The following POLA1 variants were observed in gnomAD, a reference collection of about 807,000 sequenced individuals.
POLA1 encodes the protein DNA polymerase alpha 1, catalytic subunit.
Under a neutral mutation model 124.0 loss-of-function variants are expected in POLA1, and 15 were observed. The ratio of observed to expected loss-of-function variants is 0.12; its 90% CI spans 0.08 to 0.19. The LOEUF is 0.19. Ranked by LOEUF, POLA1 falls within the 10% of genes least tolerant of loss-of-function variation. POLA1 has a pLI of 1.00. For missense variants in POLA1, 886 were observed against 1,103.4 expected, an observed-to-expected ratio of 0.80 and a Z score of 2.79; for synonymous variants, 408 against 389.4, an observed-to-expected ratio of 1.05 and a Z score of -0.56.
intron 26 of POLA1, among the ~76,000 whole-genome samples, chrX:24,756,332 C>T (rs901738259): frequency 1.8e-5 from 2 of 110,584 alleles, no homozygotes; most frequent in African/African-American, 3.3e-5. Context: ...GAGGCTGAGG[C>T]GGGTGGATCA....
intron 26 of POLA1, among the ~76,000 whole-genome samples, chrX:24,784,093 C>T (rs1348404441): frequency 1.2e-5 from 1 of 83,807 alleles, no homozygotes; most frequent in Non-Finnish European, 2.2e-5. Context: ...GATGGAGTCT[C>T]ACTGTGTCAC....
chrX:24,980,078 A>C (rs1028980525), intron 36 of POLA1, among the ~76,000 whole-genome samples: 13 of 110,992 alleles, frequency 1.2e-4, no homozygotes, highest in African/African-American at 3.0e-4. Context: ...TGTTGTATGC[A>C]TTAATAGGGA....
chrX:24,973,759 A>G (rs1247395504), intron 36 of POLA1, among the ~76,000 whole-genome samples: 1 of 111,622 alleles, frequency 9.0e-6, no homozygotes, highest in African/African-American at 3.3e-5. Flanking sequence ...TTCTTTGGCG[A>G]CCATCTACAT....
intron 30 of POLA1, among the ~76,000 whole-genome samples, chrX:24,819,686 G>A (rs1057358459): frequency 4.2e-4 from 46 of 110,739 alleles, no homozygotes; most frequent in African/African-American, 1.4e-3. Flanking sequence ...TGTGCTGAAC[G>A]TGCAGGTTTG....
chrX:24,903,521 A>G (rs1172013908), intron 35 of POLA1, among the ~76,000 whole-genome samples: 1 of 112,116 alleles, frequency 8.9e-6, no homozygotes, highest in Non-Finnish European at 1.9e-5. Context: ...GAATATGGGG[A>G]ACTAAGCGCA....
rs182361897 is a variant in POLA1, at chrX:24,986,909, T to C, written c.4262-8896T>C. Among the ~76,000 whole-genome samples the C allele has an allele frequency of 2.5e-3, 274 of 111,455 alleles. 5 individuals carry two copies. Among genetic ancestry groups the C allele is most frequent in the Admixed American group, 0.024 (249 of 10,432 alleles). ...GTATTTCCACCAGTTATCCAGAGCGTTGGCCCTCTCTGATAGGCAGCTTCT... is the reference window on the plus strand; with the variant it reads ...GTATTTCCACCAGTTATCCAGAGCGCTGGCCCTCTCTGATAGGCAGCTTCT... On this transcript the variant is annotated intron_variant, in intron 36 of 36. Transcript: ENST00000379068.
chrX:24,802,212 ATACCTT>A (rs2045726136), intron 26 of POLA1, among the ~76,000 whole-genome samples: 1 of 111,152 alleles, frequency 9.0e-6, no homozygotes, highest in East Asian at 2.8e-4. Context: ...TTTTAAAAAA[ATACCTT>A]TACAGTGACA....
chrX:24,903,612 GTAGT>G (rs1465039352), intron 35 of POLA1, among the ~76,000 whole-genome samples: 1 of 111,943 alleles, frequency 8.9e-6, no homozygotes, highest in African/African-American at 3.2e-5. Flanking sequence ...ATAGGGTAAA[GTAGT>G]TAGTAAAGAG....
intron 34 of POLA1, among the ~76,000 whole-genome samples, chrX:24,865,304 T>C (rs2046779269): frequency 1.8e-5 from 2 of 112,268 alleles, no homozygotes; most frequent in African/African-American, 6.5e-5. Context: ...AGCAATAAAA[T>C]AGCCAAAGCC....
At chrX:24,948,865 C>A (rs930877160) in intron 36 of POLA1, among the ~76,000 whole-genome samples, 1 of 111,623 alleles carries the variant, frequency 9.0e-6, no homozygotes. Flanking sequence ...TAGTTCTCCC[C>A]CATATTTTCA....
chrX:24,975,436 A>G (rs1223375395), intron 36 of POLA1, among the ~76,000 whole-genome samples: 2 of 107,337 alleles, frequency 1.9e-5, no homozygotes, highest in East Asian at 6.0e-4. Flanking sequence ...CCTTTTATGA[A>G]AATAGCTATA....
chrX:24,876,823 A>G (rs1439737141), intron 34 of POLA1, among the ~76,000 whole-genome samples: 1 of 111,488 alleles, frequency 9.0e-6, no homozygotes, highest in African/African-American at 3.3e-5. Flanking sequence ...TTTCCCCCCA[A>G]TTCTTGTTAT....
chrX:24,743,628 G>A (rs1284100117), intron 23 of POLA1, among the ~76,000 whole-genome samples: 1 of 111,438 alleles, frequency 9.0e-6, no homozygotes, highest in African/African-American at 3.3e-5. Context: ...ATTTAAAAAT[G>A]TAAAAACCAT....
At chrX:24,885,568 T>C (rs1244029167) in intron 34 of POLA1, among the ~76,000 whole-genome samples, 2 of 110,972 alleles carry the variant, frequency 1.8e-5, no homozygotes, top group Non-Finnish European at 1.9e-5. Flanking sequence ...GGAGTCTTGT[T>C]GTGTCACCCA....
chrX:24,787,639 A>C (rs1226637299), intron 26 of POLA1, among the ~76,000 whole-genome samples: 2 of 111,837 alleles, frequency 1.8e-5, no homozygotes, highest in Non-Finnish European at 3.8e-5. Context: ...GTTTGAAATC[A>C]GGGAGTGTGA....
intron 35 of POLA1, among the ~76,000 whole-genome samples, chrX:24,898,930 G>T (rs1458260239): frequency 9.0e-6 from 1 of 111,474 alleles, no homozygotes; most frequent in Non-Finnish European, 1.9e-5. Context: ...GTACCCATGG[G>T]ATCTCAGGTA....
chrX:24,741,360 T>G lies in POLA1; in HGVS notation c.2217-15T>G. Reference sequence around the variant, plus strand: ...TAATTACTTGATTCTGTTTCATTCTTACTTTTCTGTACAGTGAATCTTCTC... The same window carrying G: ...TAATTACTTGATTCTGTTTCATTCTGACTTTTCTGTACAGTGAATCTTCTC... On this transcript the variant is annotated splice_polypyrimidine_tract_variant and intron_variant, in intron 20 of 36. Transcript: ENST00000379068. 8.6e-7 allele frequency: 1 copy of G among 1,159,972 alleles called. No individual in the cohort carries two copies. The highest frequency in any genetic ancestry group is 1.2e-6 in the Non-Finnish European group (1 of 854,496).
rs189663317 is a variant in POLA1 at position 24,727,876 on chromosome X, G to A, written c.1626G>A (p.Pro542=). The A allele has an allele frequency of 3.3e-6, 4 of 1,207,816 alleles. No homozygotes were observed. Among genetic ancestry groups the A allele is most frequent in the East Asian group, 5.9e-5 (2 of 33,774 alleles). Residue 542 remains proline (P), a synonymous_variant, in exon 15 of 37, where the codon CCG becomes CCA. Transcript: ENST00000379068. ...TAATTAAGGATGTCAGTCCACCACC[G>A]CTTGTCGTGATGGCTTTCAGCATGA... The part of the protein sequence containing the change: ...VNVIKDVSPP[P]LVVMAFSMKT...
Position 24,724,337 on chromosome X carries a change from A to C in POLA1, c.1203A>C (p.Lys401Asn). The C allele has an allele frequency of 9.7e-7, 1 of 1,034,237 alleles. No individual in the cohort carries two copies. The highest frequency in any genetic ancestry group is 1.4e-6 in the Non-Finnish European group (1 of 740,713). 85.2% of individuals were successfully genotyped at this position (1,034,237 alleles called of 1,213,427 possible). A position where few individuals can be genotyped will look rare whatever the true frequency, so the allele number is the denominator to read the frequency against. ...RTLYFLPREM[K>N]IDLNTGKETG... ...TGTCCCCTTCTCTGGGATAACAGAAAATTGATCTAAATACGGGGAAAGAAA... is the reference window on the plus strand; with the variant it reads ...TGTCCCCTTCTCTGGGATAACAGAACATTGATCTAAATACGGGGAAAGAAA... The change falls in exon 12 of 37, where the codon AAA becomes AAC. Residue 401 changes from lysine to asparagine, a missense_variant and splice_region_variant. Physicochemically the swap from Lys to Asn is moderately conservative, Grantham distance 94 (BLOSUM62 0). Coordinates refer to ENST00000379068, the MANE Select transcript of POLA1 (RefSeq NM_001330360.2).
Sources: allele counts gnomAD v4.1 joint callset (sites outside exome capture counted in the v4.1 genomes callset), GRCh38; gene constraint gnomAD v4.1.1; transcripts MANE v1.5; gene names NCBI Gene and HGNC (gene_info 2026-07-23, HGNC 2026-07-21).